The following SH2D3C variants were observed in gnomAD, a reference collection of about 807,000 sequenced individuals.
SH2D3C encodes the protein SH2 domain-containing protein 3C.
Under a neutral mutation model 75.2 loss-of-function variants are expected in SH2D3C, and 25 were observed. The observed-to-expected ratio is 0.33, with a 90% CI of 0.24 to 0.46. The LOEUF is 0.46. Ranked by LOEUF, SH2D3C falls within the 20% of genes least tolerant of loss-of-function variation. The pLI is 1.00. For missense variants in SH2D3C, 933 were observed against 1,165.3 expected, an observed-to-expected ratio of 0.80 and a Z score of 2.90; for synonymous variants, 450 against 473.7, an observed-to-expected ratio of 0.95 and a Z score of 0.65.
chr9:127,742,760 A>G (rs757131273), intron 8 of SH2D3C, 89 bp downstream of exon 8: 55 of 930,720 alleles, frequency 5.9e-5, no homozygotes, highest in Non-Finnish European at 8.6e-5. Flanking sequence ...AGCCGAGCTG[A>G]GGCTGTGATT....
chr9:127,743,216 C>T (rs1305951360), intron 7 of SH2D3C, among the ~76,000 whole-genome samples: 1 of 152,058 alleles, frequency 6.6e-6, no homozygotes, highest in African/African-American at 2.4e-5. Flanking sequence ...TATTCAGTTA[C>T]GGTCGGCCGG....
chr9:127,750,985 G>A (rs1463546561), intron 4 of SH2D3C, among the ~76,000 whole-genome samples, 187 bp downstream of exon 4: 1 of 152,206 alleles, frequency 6.6e-6, no homozygotes, highest in Non-Finnish European at 1.5e-5. Flanking sequence ...GGCTCGGAGA[G>A]GTGAAGCAAC....
chr9:127,746,817 A>C (rs1184477938), intron 6 of SH2D3C, among the ~76,000 whole-genome samples: 1 of 152,236 alleles, frequency 6.6e-6, no homozygotes, highest in African/African-American at 2.4e-5. Flanking sequence ...AGGGGTCTGT[A>C]ATCCCAGCTA....
At chr9:127,763,748 A>C (rs969862668) in intron 2 of SH2D3C, among the ~76,000 whole-genome samples, 6 of 152,144 alleles carry the variant, frequency 3.9e-5, no homozygotes, top group African/African-American at 1.4e-4. Context: ...TAAAAAATAA[A>C]ATTGTGAGTT....
chr9:127,747,001 G>C, intron 6 of SH2D3C, 146 bp downstream of exon 6: 1 of 728,174 alleles, frequency 1.4e-6, no homozygotes, highest in East Asian at 2.5e-5. Context: ...CAACAGTTCT[G>C]TTAGCAGGAT....
intron 6 of SH2D3C, among the ~76,000 whole-genome samples, 174 bp downstream of exon 6, chr9:127,746,973 C>T (rs977671634): frequency 1.2e-4 from 18 of 152,208 alleles, no homozygotes; most frequent in Admixed American, 5.2e-4. Context: ...ACCATGGATA[C>T]ATCTTATATG....
intron 2 of SH2D3C, chr9:127,762,316 A>G: frequency 2.3e-6 from 3 of 1,287,072 alleles, no homozygotes; most frequent in South Asian, 2.5e-5. Context: ...CCCCCACCGC[A>G]TGGCCTTAAA....
In SH2D3C at chr9:127,770,122, G is replaced by A. The variant is rs555433414; in HGVS notation, c.515+3868C>T. On this transcript the variant is annotated intron_variant, in intron 2 of 11. Transcript: ENST00000314830. ...AAGACTGAAGGTCCTTGGGAGGTAG[G>A]GGGCAGGCTAGGCTGGTGCTTTCCT... Among the ~76,000 whole-genome samples, 6 of 152,272 alleles carry A rather than the reference G, an allele frequency of 3.9e-5. No homozygotes were observed. The East Asian group carries it at 1.2e-3, about 29-fold the overall frequency.
intron 9 of SH2D3C, 52 bp from the exon 10 acceptor site, chr9:127,740,421 C>CACCCTGCT (rs1844820940): frequency 7.4e-7 from 1 of 1,348,912 alleles, no homozygotes; most frequent in Non-Finnish European, 1.1e-6. Context: ...CTGCAGGGGC[C>CACCCTGCT]ACCCTGCTGC....
chr9:127,755,306 AGGCGG>A, intron 3 of SH2D3C: 6 of 224,390 alleles, frequency 2.7e-5, no homozygotes, highest in Non-Finnish European at 3.4e-5. Context: ...AGGAGCGGGG[AGGCGG>A]GGCGGGGAGA....
Position 127,754,742 on chromosome 9 carries a change from TAC to T in SH2D3C, c.556-3444_556-3443del, listed in dbSNP as rs1845310364. ...CCCAGGTCAGCCGCAAGGGCCAGCG[TAC>T]CAGGCGGAGGACCGGCAGGACGCCG... On this transcript the variant is annotated intron_variant, in intron 3 of 11. Coordinates refer to ENST00000314830, the MANE Select transcript of SH2D3C (RefSeq NM_170600.3). The surrounding 1 kb of genome is among the most constrained non-coding windows in gnomAD (Gnocchi z 4.4). The T allele has an allele frequency of 1.1e-5, 5 of 456,354 alleles. No homozygotes were observed. Among genetic ancestry groups the T allele is most frequent in the African/African-American group, 1.0e-4 (5 of 49,546 alleles). 28.3% of individuals were successfully genotyped at this position (456,354 alleles called of 1,614,324 possible).
intron 3 of SH2D3C, among the ~76,000 whole-genome samples, chr9:127,756,438 G>A (rs1300965748): frequency 6.6e-6 from 1 of 152,156 alleles, no homozygotes; most frequent in Non-Finnish European, 1.5e-5. Flanking sequence ...ACCGCAGGTG[G>A]GTGAGTCCAC....
chr9:127,746,980 T>C (rs1250430243), intron 6 of SH2D3C, among the ~76,000 whole-genome samples, 167 bp downstream of exon 6: 1 of 152,246 alleles, frequency 6.6e-6, no homozygotes, highest in African/African-American at 2.4e-5. Flanking sequence ...ATACATCTTA[T>C]ATGTTGATAT....
In SH2D3C at chr9:127,750,013, G is replaced by T. The variant is rs532812271; in HGVS notation, c.685-348C>A. 2.2e-4 allele frequency among the ~76,000 whole-genome samples: 34 copies of T among 152,174 alleles called. No homozygotes were observed. The East Asian group carries it at 6.2e-3, about 28-fold the overall frequency. On this transcript the variant is annotated intron_variant, in intron 4 of 11. Coordinates refer to ENST00000314830, the MANE Select transcript of SH2D3C (RefSeq NM_170600.3). ...CATCCCTTCTCAGGGTTCCGGTTGG[G>T]CAGAGTGAATTCCTAATCCTCATTC...
intron 2 of SH2D3C, among the ~76,000 whole-genome samples, chr9:127,772,212 G>C (rs1445284376): frequency 6.7e-6 from 1 of 150,306 alleles, no homozygotes; most frequent in African/African-American, 2.4e-5. Flanking sequence ...CAGAACTCTG[G>C]CCCTACAATT....
chr9:127,738,596 G>A lies in SH2D3C; in HGVS notation c.*150C>T, dbSNP rs111759066. The A allele has an allele frequency of 1.7e-5, 13 of 767,394 alleles. No individual in the cohort carries two copies. Among genetic ancestry groups the A allele is most frequent in the African/African-American group, 1.1e-4 (6 of 54,884 alleles). 47.5% of individuals were successfully genotyped at this position (767,394 alleles called of 1,614,324 possible). On this transcript the variant is annotated 3_prime_UTR_variant, in exon 12 of 12. Transcript: ENST00000314830. The surrounding 1 kb of genome is among the most constrained non-coding windows in gnomAD (Gnocchi z 5.0). ...AGGTGGGATGGAACCCAGAGTCCAC[G>A]CAGGACCCTGGAGGTGCAAGGGAGA...
At chr9:127,778,504 T>G in intron 1 of SH2D3C, 87 bp downstream of exon 1, 2 of 1,031,188 alleles carry the variant, frequency 1.9e-6, no homozygotes, top group Non-Finnish European at 3.1e-6. Flanking sequence ...AAAACAGAAA[T>G]GAGACAGTGA....
rs1845320559 is a variant in SH2D3C at position 127,754,907 on chromosome 9, AG to A, written c.556-3608del. ...CACCCCGCGGAGCGCCTGGGCGCCC[AG>A]AGGTGAGGCTGGGGTGACCCCGCCC... is the stretch of plus-strand genomic sequence containing the variant. On this transcript the variant is annotated intron_variant, in intron 3 of 11. Coordinates refer to ENST00000314830, the MANE Select transcript of SH2D3C (RefSeq NM_170600.3). The surrounding 1 kb of genome is among the most constrained non-coding windows in gnomAD (Gnocchi z 4.4). The A allele has an allele frequency of 1.6e-5, 8 of 514,370 alleles. No individual in the cohort carries two copies. Among genetic ancestry groups the A allele is most frequent in the South Asian group, 1.2e-4 (8 of 64,564 alleles). The allele number at this position is 514,370 out of a possible 1,614,324, so 31.9% of individuals were successfully genotyped here.
intron 9 of SH2D3C, among the ~76,000 whole-genome samples, 172 bp from the exon 10 acceptor site, chr9:127,740,541 C>A (rs867594071): frequency 2.3e-4 from 35 of 152,198 alleles, no homozygotes; most frequent in African/African-American, 8.2e-4. Context: ...GCTCTCACAA[C>A]CCATTTTACA....
Sources: gnomAD v4.1 joint callset for allele counts (sites outside exome capture counted in the v4.1 genomes callset) on GRCh38, gnomAD v4.1.1 for gene constraint, Gnocchi (gnomAD v3.1) non-coding constraint, MANE v1.5 for transcripts, NCBI Gene and HGNC (gene_info 2026-07-23, HGNC 2026-07-21) for gene names.